ADGRD1: variants seen among roughly 807,000 people sequenced by gnomAD.
ADGRD1 encodes adhesion G protein-coupled receptor D1.
A neutral mutation model predicts 113.4 loss-of-function variants in ADGRD1; 77 were observed. That is an observed-to-expected ratio of 0.68 (90% CI 0.57 to 0.82). The LOEUF is 0.82. Among genes scored for constraint, ADGRD1 ranks in the 40% least tolerant of loss-of-function variants. The pLI is 0.00. For missense variants in ADGRD1, 1,036 were observed against 1,139.1 expected, an observed-to-expected ratio of 0.91 and a Z score of 1.30; for synonymous variants, 474 against 475.0, an observed-to-expected ratio of 1.00 and a Z score of 0.03.
At chr12:131,034,136 C>G (rs1381726218) in intron 13 of ADGRD1, among the ~76,000 whole-genome samples, 1 of 152,140 alleles carries the variant, frequency 6.6e-6, no homozygotes, top group Non-Finnish European at 1.5e-5. Flanking sequence ...CTCGAACCCT[C>G]TCGGGGCTTC....
In ADGRD1 at chr12:131,048,012, A is replaced by G. The variant is rs550163464; in HGVS notation, c.1474-28789A>G. On this transcript the variant is annotated intron_variant, in intron 13 of 24. Coordinates refer to ENST00000261654, the MANE Select transcript of ADGRD1 (RefSeq NM_198827.5). The stretch of plus-strand genomic sequence containing the variant: ...GGGGTGAGATGGGGGTGGCAGAGGC[A>G]GAGTGTCGGCTCCCCTGAAGGGGGT... Among the ~76,000 whole-genome samples the G allele has an allele frequency of 3.9e-5, 6 of 152,308 alleles. No homozygotes were observed. The East Asian group carries it at 9.7e-4, about 25-fold the overall frequency.
chr12:131,020,614 G>C (rs1879215796), intron 13 of ADGRD1, among the ~76,000 whole-genome samples: 1 of 152,264 alleles, frequency 6.6e-6, no homozygotes, highest in South Asian at 2.1e-4. Context: ...GAACGAGGCA[G>C]TTGCCCGAGC....
intron 15 of ADGRD1, among the ~76,000 whole-genome samples, chr12:131,088,074 T>C (rs1411723655): frequency 1.3e-5 from 2 of 151,998 alleles, no homozygotes; most frequent in African/African-American, 2.4e-5. Context: ...CGTGGTGTCG[T>C]AGGGAGCAGC....
chr12:131,089,287 G>A (rs1566099638), intron 15 of ADGRD1, among the ~76,000 whole-genome samples: 2 of 152,206 alleles, frequency 1.3e-5, no homozygotes, highest in South Asian at 2.1e-4. Context: ...GGTTAAAAAG[G>A]AGCCCGAACC....
Position 131,038,605 on chromosome 12 carries a change from A to G in ADGRD1, c.1473+24265A>G, listed in dbSNP as rs540129994. ...GGGCTCAGCCACTGGAGTGGCCCAC[A>G]GTGTGGGGTAGGTGGACACTCATCA... is the stretch of plus-strand genomic sequence containing the variant. On this transcript the variant is annotated intron_variant, in intron 13 of 24. Coordinates refer to ENST00000261654, the MANE Select transcript of ADGRD1 (RefSeq NM_198827.5). Among the ~76,000 whole-genome samples, 57 of 152,306 alleles carry G rather than the reference A, an allele frequency of 3.7e-4. No individual in the cohort carries two copies. In the South Asian group the frequency reaches 0.012, roughly 32 times the overall value.
chr12:131,052,670 G>C (rs200520207), intron 13 of ADGRD1, among the ~76,000 whole-genome samples: 1 of 152,140 alleles, frequency 6.6e-6, no homozygotes, highest in Non-Finnish European at 1.5e-5. Context: ...GCTCACTAGA[G>C]TGAAATTAAA....
intron 4 of ADGRD1, among the ~76,000 whole-genome samples, chr12:130,973,984 G>A (rs1223460998): frequency 2.0e-5 from 3 of 152,184 alleles, no homozygotes; most frequent in Non-Finnish European, 4.4e-5. Context: ...ACGCTGGCTC[G>A]GTGAGAGGCT....
intron 8 of ADGRD1, among the ~76,000 whole-genome samples, chr12:130,995,498 T>C (rs1875132125): frequency 6.6e-6 from 1 of 152,194 alleles, no homozygotes; most frequent in Admixed American, 6.5e-5. Context: ...CTCATGTGGC[T>C]TCAGGGGCCA....
intron 15 of ADGRD1, among the ~76,000 whole-genome samples, chr12:131,087,231 T>C (rs1886530597): frequency 6.6e-6 from 1 of 152,202 alleles, no homozygotes; most frequent in African/African-American, 2.4e-5. Context: ...TAATTTTCTG[T>C]AGAGATGGGG....
intron 22 of ADGRD1, 32 bp downstream of exon 22, chr12:131,136,195 G>T (rs1951080570): frequency 6.2e-7 from 1 of 1,610,232 alleles, no homozygotes; most frequent in Admixed American, 1.7e-5. Context: ...GGGGAGGCAG[G>T]GCCGCCAGCC....
At chr12:131,109,504 A>T (rs1950303698) in intron 18 of ADGRD1, among the ~76,000 whole-genome samples, 1 of 152,054 alleles carries the variant, frequency 6.6e-6, no homozygotes, top group African/African-American at 2.4e-5. Flanking sequence ...TGACCCATTG[A>T]TTATTTATGT....
Position 130,981,889 on chromosome 12 carries a change from A to T in ADGRD1, c.316A>T (p.Thr106Ser), listed in dbSNP as rs767917076. The change falls in exon 5 of 25, where the codon ACG becomes TCG. Residue 106 changes from threonine (T) to serine (S), a missense_variant. Coordinates refer to ENST00000261654, the MANE Select transcript of ADGRD1 (RefSeq NM_198827.5). ...GATCTTGTGACTTTCCTCAGGGGTC[A>T]CGTTTTCTTTTTTCTGGAAGACACA... Reference protein sequence around the residue: ...KPEQCGPEGVTFSFFWKTQGE... With the variant: ...KPEQCGPEGVSFSFFWKTQGE... 28 of 1,610,384 alleles carry T rather than the reference A, an allele frequency of 1.7e-5. No homozygotes were observed. In the East Asian group the frequency reaches 1.8e-4, roughly 10 times the overall value.
intron 20 of ADGRD1, among the ~76,000 whole-genome samples, chr12:131,125,699 A>G (rs1408792453): frequency 2.6e-5 from 4 of 152,220 alleles, no homozygotes; most frequent in East Asian, 3.8e-4. Context: ...TGAACTTACA[A>G]TGGGATTAAG....
chr12:130,996,639 C>T lies in ADGRD1; in HGVS notation c.967-3744C>T, dbSNP rs555636843. On this transcript the variant is annotated intron_variant, in intron 8 of 24. Coordinates refer to ENST00000261654, the MANE Select transcript of ADGRD1 (RefSeq NM_198827.5). The stretch of plus-strand genomic sequence containing the variant: ...GGCGCCCCTCACCTCCCGGACGAGG[C>T]GGCTGGCCGGGCGGGGGGCTGACCC... 4.4e-3 allele frequency among the ~76,000 whole-genome samples: 399 copies of T among 90,794 alleles called. 11 individuals are homozygous for T. Among genetic ancestry groups the T allele is most frequent in the African/African-American group, 0.016 (361 of 22,296 alleles). The allele number at this position is 90,794 out of a possible 152,430, so 59.6% of individuals were successfully genotyped here. A position where few individuals can be genotyped will look rare whatever the true frequency, so the allele number is the denominator to read the frequency against.
At chr12:131,070,827 C>G (rs768867392) in intron 13 of ADGRD1, 1 of 518,928 alleles carries the variant, frequency 1.9e-6, no homozygotes, top group Non-Finnish European at 3.8e-6. Context: ...TATAGGTTGG[C>G]TGGCCTCTAG....
Position 131,084,446 on chromosome 12 carries a change from A to C in ADGRD1, c.1548-94A>C. The C allele has an allele frequency of 7.1e-7, 1 of 1,399,332 alleles. No individual in the cohort carries two copies. The highest frequency in any genetic ancestry group is 1.0e-6 in the Non-Finnish European group (1 of 997,468). 86.7% of individuals were successfully genotyped at this position (1,399,332 alleles called of 1,614,324 possible). A position where few individuals can be genotyped will look rare whatever the true frequency, so the allele number is the denominator to read the frequency against. On this transcript the variant is annotated intron_variant, in intron 14 of 24. Coordinates refer to ENST00000261654, the MANE Select transcript of ADGRD1 (RefSeq NM_198827.5). This position sits in a 1 kb window ranked among gnomAD's most constrained non-coding sequence, Gnocchi z 4.5. ...CAGGTGTGGGCGCCGCCATGAGTTC[A>C]CGGGGCCATGTGTTATGGGGGGTGC...
At position 130,954,899 on chromosome 12, in the gene ADGRD1, T is replaced by C. The variant is rs1983478; in HGVS notation, c.103+239T>C. Among the ~76,000 whole-genome samples, 59,358 of 137,552 alleles carry C rather than the reference T, an allele frequency of 0.43. 11,688 individuals carry two copies. The highest frequency in any genetic ancestry group is 0.5 in the Middle Eastern group (138 of 276). The allele number at this position is 137,552 out of a possible 152,430, so 90.2% of individuals were successfully genotyped here. On this transcript the variant is annotated intron_variant, in intron 2 of 24. Coordinates refer to ENST00000261654, the MANE Select transcript of ADGRD1 (RefSeq NM_198827.5). The surrounding 1 kb of genome is among the most constrained non-coding windows in gnomAD (Gnocchi z 4.7). Reference sequence around the variant, plus strand: ...CCCTTGAGCTGGGTCATATGAAACATTGTGATTAAGGAAATATGATCTTCA... The same window carrying C: ...CCCTTGAGCTGGGTCATATGAAACACTGTGATTAAGGAAATATGATCTTCA...
At chr12:131,053,726 C>T (rs971073895) in intron 13 of ADGRD1, among the ~76,000 whole-genome samples, 2 of 152,116 alleles carry the variant, frequency 1.3e-5, no homozygotes, top group African/African-American at 2.4e-5. Context: ...CTGACTCAGC[C>T]GTTACTCTAC....
rs779950223 is a variant in ADGRD1, at chr12:131,138,128, G to T, written c.2437-9G>T. On this transcript the variant is annotated splice_polypyrimidine_tract_variant and intron_variant, in intron 23 of 24. Transcript: ENST00000261654. Reference sequence around the variant, plus strand: ...AAATTGCTCTCACGATCCCTTCCCCGCTTTCAAGGTGAGAGCCGCCTTCAA... The same window carrying T: ...AAATTGCTCTCACGATCCCTTCCCCTCTTTCAAGGTGAGAGCCGCCTTCAA... 6.2e-7 allele frequency: 1 copy of T among 1,612,686 alleles called. No homozygotes were observed. Among genetic ancestry groups the T allele is most frequent in the East Asian group, 2.2e-5 (1 of 44,860 alleles).
Sources: allele counts gnomAD v4.1 joint callset (sites outside exome capture counted in the v4.1 genomes callset), GRCh38; gene constraint gnomAD v4.1.1; non-coding constraint Gnocchi (gnomAD v3.1); transcripts MANE v1.5; gene names NCBI Gene and HGNC (gene_info 2026-07-23, HGNC 2026-07-21).